Variants in CYP19A1 observed in about 807,000 individuals in gnomAD.
CYP19A1 encodes the protein aromatase.
Under a neutral mutation model 44.4 loss-of-function variants are expected in CYP19A1, and 32 were observed. The observed-to-expected ratio is 0.72, with a 90% CI of 0.54 to 0.97. CYP19A1 has a LOEUF of 0.97. Ranked by LOEUF, CYP19A1 falls within the 50% of genes least tolerant of loss-of-function variation. The probability of loss-of-function intolerance (pLI) is 0.00; values close to 1 mark genes in which losing one functional copy is unlikely to be tolerated. For missense variants in CYP19A1, 598 were observed against 637.8 expected, an observed-to-expected ratio of 0.94 and a Z score of 0.67; for synonymous variants, 212 against 215.6, an observed-to-expected ratio of 0.98 and a Z score of 0.14.
chr15:51,223,593 T>TCTCTCTCTCACACACACACACACACACA (rs1356666512), intron 4 of CYP19A1, among the ~76,000 whole-genome samples: 2 of 90,146 alleles, frequency 2.2e-5, no homozygotes, highest in Non-Finnish European at 2.2e-5. Flanking sequence ...TCTCTCTCTC[T>TCTCTCTCTCACACACACACACACACACA]CACACACACA....
intron 1 of CYP19A1, chr15:51,320,163 G>C (rs566965423): frequency 1.3e-5 from 2 of 152,266 alleles, no homozygotes; most frequent in Non-Finnish European, 2.9e-5. Flanking sequence ...CACCATCCTC[G>C]GCTCCCATCC....
chr15:51,304,612 G>C (rs56817937), intron 1 of CYP19A1, among the ~76,000 whole-genome samples: 3,530 of 152,154 alleles, frequency 0.023, 125 homozygotes, highest in East Asian at 0.14. Flanking sequence ...AGCTAACTTT[G>C]TTTGTTTCAA....
chr15:51,318,947 C>G (rs991912440), intron 1 of CYP19A1: 2 of 152,186 alleles, frequency 1.3e-5, no homozygotes, highest in African/African-American at 2.4e-5. Context: ...GCTGACCATA[C>G]AGCTTTCTTC....
chr15:51,267,772 C>G (rs939929953), intron 1 of CYP19A1, among the ~76,000 whole-genome samples: 1 of 152,206 alleles, frequency 6.6e-6, no homozygotes, highest in African/African-American at 2.4e-5. Context: ...AGCGGGACCC[C>G]TTCTGAGCGC....
intron 1 of CYP19A1, among the ~76,000 whole-genome samples, chr15:51,334,268 T>A (rs912205000): frequency 6.6e-6 from 1 of 152,158 alleles, no homozygotes; most frequent in Non-Finnish European, 1.5e-5. Context: ...AGGGCATGGG[T>A]GAACGTTGAT....
intron 1 of CYP19A1, among the ~76,000 whole-genome samples, chr15:51,313,416 G>A (rs927297027): frequency 3.3e-5 from 5 of 152,196 alleles, no homozygotes; most frequent in African/African-American, 1.2e-4. Flanking sequence ...ATGTTCTTAT[G>A]GCATGGAGCC....
chr15:51,217,739 T>C (rs933080228), intron 6 of CYP19A1, among the ~76,000 whole-genome samples: 3 of 152,210 alleles, frequency 2.0e-5, no homozygotes, highest in Non-Finnish European at 2.9e-5. Context: ...GCTAATTGCC[T>C]TACTTATATG....
intron 1 of CYP19A1, among the ~76,000 whole-genome samples, chr15:51,296,650 G>A (rs3764221): frequency 0.14 from 21,819 of 151,994 alleles, 2,903 homozygotes; most frequent in African/African-American, 0.34. Flanking sequence ...ACTTTTTTTG[G>A]TATTAAAATG....
At chr15:51,305,313 T>C (rs1479354409) in intron 1 of CYP19A1, among the ~76,000 whole-genome samples, 1 of 152,188 alleles carries the variant, frequency 6.6e-6, no homozygotes, top group Non-Finnish European at 1.5e-5. Flanking sequence ...GTGTGGCCTA[T>C]GTCTTAGGCC....
intron 2 of CYP19A1, among the ~76,000 whole-genome samples, chr15:51,240,306 C>T (rs8027798): frequency 0.017 from 2,527 of 152,142 alleles, 98 homozygotes; most frequent in African/African-American, 0.059. Flanking sequence ...AGATATGAGC[C>T]CCAGTTTCAT....
intron 2 of CYP19A1, chr15:51,242,391 T>C (rs1212402616): frequency 3.3e-6 from 1 of 298,656 alleles, no homozygotes; most frequent in Non-Finnish European, 6.4e-6. Flanking sequence ...GTGAAGAAGA[T>C]GTTCCAGAGA....
chr15:51,331,919 GTA>G (rs535549575), intron 1 of CYP19A1, among the ~76,000 whole-genome samples: 209 of 146,880 alleles, frequency 1.4e-3, no homozygotes, highest in African/African-American at 3.6e-3. Flanking sequence ...GTATGTGTGT[GTA>G]TATATATATA....
chr15:51,295,135 TG>T (rs1278706950), intron 1 of CYP19A1, among the ~76,000 whole-genome samples: 1 of 126,204 alleles, frequency 7.9e-6, no homozygotes, highest in African/African-American at 4.0e-5. Flanking sequence ...ATTAACAACG[TG>T]TTTTTTTTTT....
chr15:51,310,823 A>AG (rs2036297563), intron 1 of CYP19A1, among the ~76,000 whole-genome samples: 1 of 152,174 alleles, frequency 6.6e-6, no homozygotes, highest in Non-Finnish European at 1.5e-5. Flanking sequence ...CAGAGGAAAG[A>AG]GGGGGAGAAA....
chr15:51,257,685 T>C (rs376383342), intron 1 of CYP19A1, among the ~76,000 whole-genome samples: 2 of 152,182 alleles, frequency 1.3e-5, no homozygotes, highest in East Asian at 1.9e-4. Context: ...GCTGCTTCCA[T>C]TGCAATGCTT....
intron 1 of CYP19A1, among the ~76,000 whole-genome samples, chr15:51,292,750 T>G (rs1174683084): frequency 6.6e-6 from 1 of 151,732 alleles, no homozygotes; most frequent in Non-Finnish European, 1.5e-5. Flanking sequence ...CACAGGGTAG[T>G]GGGGGTCCTG....
In CYP19A1 at chr15:51,215,105, T is replaced by C. The variant is rs2031432731; in HGVS notation, c.986A>G (p.Glu329Gly). Residue 329 changes from glutamate to glycine, a missense_variant, in exon 8 of 10, where the codon GAA (glutamate) becomes GGA (glycine). Transcript: ENST00000396402. The stretch of plus-strand genomic sequence containing the variant: ...CTGGATTTCCTTTATTATTGCCTCT[T>C]CAACATTAGGGTGCTTTGCAATGAG... The part of the protein sequence containing the change: ...LFLIAKHPNV[E>G]EAIIKEIQTV... The C allele has an allele frequency of 6.2e-7, 1 of 1,613,940 alleles. No individual in the cohort carries two copies. The highest frequency in any genetic ancestry group is 1.3e-5 in the African/African-American group (1 of 74,926).
chr15:51,289,459 A>G (rs2035791906), intron 1 of CYP19A1, among the ~76,000 whole-genome samples: 1 of 152,028 alleles, frequency 6.6e-6, no homozygotes. Context: ...ACTCTCACCC[A>G]CAGGGACGTG....
intron 1 of CYP19A1, among the ~76,000 whole-genome samples, chr15:51,325,135 C>G (rs540209511): frequency 6.6e-6 from 1 of 152,080 alleles, no homozygotes; most frequent in Non-Finnish European, 1.5e-5. Flanking sequence ...ATTGCTTGAG[C>G]CCAGGAGGCT....
Sources: allele counts gnomAD v4.1 joint callset (sites outside exome capture counted in the v4.1 genomes callset), GRCh38; gene constraint gnomAD v4.1.1; transcripts MANE v1.5; gene names NCBI Gene and HGNC (gene_info 2026-07-23, HGNC 2026-07-21).